CYP19A1: variants seen among roughly 807,000 people sequenced by gnomAD.
CYP19A1 encodes aromatase.
Under a neutral mutation model 44.4 loss-of-function variants are expected in CYP19A1, and 32 were observed. The observed-to-expected ratio is 0.72, with a 90% CI of 0.54 to 0.97. The LOEUF (loss-of-function observed/expected upper bound fraction) is 0.97. CYP19A1 is among the 50% of genes least tolerant of loss of function. CYP19A1 has a pLI of 0.00. For synonymous variants in CYP19A1, 212 were observed against 215.6 expected (o/e 0.98, Z 0.14); for missense variants, 598 against 637.8 (o/e 0.94, Z 0.67).
intron 1 of CYP19A1, among the ~76,000 whole-genome samples, chr15:51,271,572 A>T (rs2035128479): frequency 6.6e-6 from 1 of 152,216 alleles, no homozygotes; most frequent in Non-Finnish European, 1.5e-5. Context: ...GCTCCACCAC[A>T]GTTCTACCTA....
At chr15:51,334,361 C>T (rs931864870) in intron 1 of CYP19A1, among the ~76,000 whole-genome samples, 8 of 152,300 alleles carry the variant, frequency 5.3e-5, no homozygotes, top group African/African-American at 1.7e-4. Flanking sequence ...CTTATAAAAC[C>T]TGCCCTGCCC....
At chr15:51,238,862 T>C (rs2033576876) in intron 2 of CYP19A1, among the ~76,000 whole-genome samples, 1 of 152,344 alleles carries the variant, frequency 6.6e-6, no homozygotes, top group East Asian at 1.9e-4. Flanking sequence ...CTGGTATAGA[T>C]ACTACTGGTA....
chr15:51,236,428 G>A (rs1455487385), intron 3 of CYP19A1, among the ~76,000 whole-genome samples: 1 of 152,164 alleles, frequency 6.6e-6, no homozygotes, highest in East Asian at 1.9e-4. Flanking sequence ...ATAGTGCAGT[G>A]ATGTCTCGGG....
chr15:51,279,344 G>C (rs1174379128), intron 1 of CYP19A1, among the ~76,000 whole-genome samples: 1 of 152,186 alleles, frequency 6.6e-6, no homozygotes, highest in Non-Finnish European at 1.5e-5. Flanking sequence ...CTGGGGGCTG[G>C]GATGGGAGCC....
At position 51,216,045 on chromosome 15, in the gene CYP19A1, C is replaced by T. The variant is rs544761385; in HGVS notation, c.744-228G>A. 668 of 788,636 alleles carry T rather than the reference C, an allele frequency of 8.5e-4. 1 individual carries two copies. Among genetic ancestry groups the T allele is most frequent in the Non-Finnish European group, 1.2e-3 (632 of 533,872 alleles). The allele number at this position is 788,636 out of a possible 1,614,324, so 48.9% of individuals were successfully genotyped here. ...AGCTAAGATTTCTGGATACTGGTAG[C>T]GAAATCAAGCCTGTGACTTCTAGTT... On this transcript the variant is annotated intron_variant, in intron 6 of 9. Transcript: ENST00000396402.
At position 51,336,321 on chromosome 15, in the gene CYP19A1, C is replaced by T. The variant is rs76530803; in HGVS notation, c.-39+2174G>A. On this transcript the variant is annotated intron_variant, in intron 1 of 9. Coordinates refer to ENST00000396402, the MANE Select transcript of CYP19A1 (RefSeq NM_000103.4). ...TGGCAGATAGTAGGCACCCAATTAC[C>T]ATTTGCTGAGTAAATGAATACATGA... Among the ~76,000 whole-genome samples, 1,336 of 152,228 alleles carry T rather than the reference C, an allele frequency of 8.8e-3. 14 individuals are homozygous for T. Among genetic ancestry groups the T allele is most frequent in the African/African-American group, 0.031 (1,289 of 41,526 alleles).
intron 1 of CYP19A1, among the ~76,000 whole-genome samples, chr15:51,244,289 A>G (rs537715529): frequency 1.3e-5 from 2 of 152,368 alleles, no homozygotes; most frequent in South Asian, 4.1e-4. Context: ...ATTTCTGTCA[A>G]CTACAAAATT....
chr15:51,287,535 T>C (rs1252324662), intron 1 of CYP19A1, among the ~76,000 whole-genome samples: 1 of 152,196 alleles, frequency 6.6e-6, no homozygotes, highest in Non-Finnish European at 1.5e-5. Flanking sequence ...AGCTCAGACA[T>C]TGGTATCGCT....
At chr15:51,283,779 G>A (rs1262708510) in intron 1 of CYP19A1, among the ~76,000 whole-genome samples, 1 of 152,176 alleles carries the variant, frequency 6.6e-6, no homozygotes, top group African/African-American at 2.4e-5. Flanking sequence ...TCAGGAAATG[G>A]GAAGAGTGGC....
At chr15:51,250,786 C>T (rs1404216720) in intron 1 of CYP19A1, among the ~76,000 whole-genome samples, 1 of 142,154 alleles carries the variant, frequency 7.0e-6, no homozygotes, top group Non-Finnish European at 1.5e-5. Flanking sequence ...GGGATTGTTC[C>T]AGGAACAGCA....
At chr15:51,303,752 G>A (rs1195713793) in intron 1 of CYP19A1, among the ~76,000 whole-genome samples, 1 of 152,222 alleles carries the variant, frequency 6.6e-6, no homozygotes, top group African/African-American at 2.4e-5. Flanking sequence ...ATGGCAGGAG[G>A]CAGTGAGAGG....
intron 6 of CYP19A1, among the ~76,000 whole-genome samples, chr15:51,218,085 C>T (rs2031740845): frequency 6.6e-6 from 1 of 152,138 alleles, no homozygotes; most frequent in Non-Finnish European, 1.5e-5. Context: ...TAATTGTACT[C>T]ATTAAGAAAA....
chr15:51,242,780 A>G lies in CYP19A1; in HGVS notation c.133T>C (p.Ser45Pro). 1.9e-6 allele frequency: 3 copies of G among 1,561,794 alleles called. No homozygotes were observed. In the South Asian group the frequency reaches 3.3e-5, roughly 17 times the overall value. ...ATGACTGACTTACCTGGTATTGAGG[A>G]TGTGCCCTCATAATTCCACACCAAG... ...FLLVWNYEGT[S>P]SIPGPGYCMG... The change falls in exon 2 of 10, where the codon TCC (serine) becomes CCC (proline). Residue 45 changes from serine (S) to proline (P), a missense_variant. Ser to Pro is a moderately conservative substitution (Grantham distance 74). Coordinates refer to ENST00000396402, the MANE Select transcript of CYP19A1 (RefSeq NM_000103.4).
intron 1 of CYP19A1, among the ~76,000 whole-genome samples, chr15:51,268,981 C>G (rs1232093321): frequency 6.6e-6 from 1 of 151,980 alleles, no homozygotes; most frequent in South Asian, 2.1e-4. Context: ...AATACTTTAT[C>G]TTAGTCTGTG....
chr15:51,276,251 T>C (rs991154897), intron 1 of CYP19A1, among the ~76,000 whole-genome samples: 4 of 152,300 alleles, frequency 2.6e-5, no homozygotes, highest in East Asian at 1.9e-4. Flanking sequence ...TTGCAGGAGT[T>C]TGTCCATCTT....
chr15:51,306,956 A>G (rs2036227076), intron 1 of CYP19A1, among the ~76,000 whole-genome samples: 1 of 150,838 alleles, frequency 6.6e-6, no homozygotes, highest in South Asian at 2.1e-4. Flanking sequence ...GTCTAGACAT[A>G]TTGATGATAA....
intron 5 of CYP19A1, among the ~76,000 whole-genome samples, chr15:51,218,976 T>C (rs1356537659): frequency 6.6e-6 from 1 of 152,226 alleles, no homozygotes; most frequent in East Asian, 1.9e-4. Context: ...AGCTCCTGTT[T>C]CTCTGTACAA....
chr15:51,221,644 T>A (rs1305046380), intron 5 of CYP19A1: 1 of 152,236 alleles, frequency 6.6e-6, no homozygotes, highest in Non-Finnish European at 1.5e-5. Flanking sequence ...ATTGGTTTAA[T>A]CCTGCCAAAA....
intron 1 of CYP19A1, among the ~76,000 whole-genome samples, chr15:51,333,630 G>A (rs891319735): frequency 1.1e-4 from 17 of 152,226 alleles, no homozygotes; most frequent in African/African-American, 4.1e-4. Flanking sequence ...AGTTGGCCCT[G>A]GTGGAGGTCA....
Sources: gnomAD v4.1 joint callset for allele counts (sites outside exome capture counted in the v4.1 genomes callset) on GRCh38, gnomAD v4.1.1 for gene constraint, MANE v1.5 for transcripts, NCBI Gene and HGNC (gene_info 2026-07-23, HGNC 2026-07-21) for gene names.